The following TJP3 variants were observed in gnomAD, a reference collection of about 807,000 sequenced individuals.
TJP3 encodes tight junction protein 3.
A neutral mutation model predicts 104.2 loss-of-function variants in TJP3; 85 were observed. The ratio of observed to expected loss-of-function variants is 0.82; its 90% CI spans 0.68 to 0.98. The LOEUF is 0.98. Ranked by LOEUF, TJP3 falls within the 50% of genes least tolerant of loss-of-function variation. The probability of loss-of-function intolerance (pLI) is 0.00; values close to 1 mark genes in which losing one functional copy is unlikely to be tolerated. For missense variants in TJP3, 1,367 were observed against 1,322.8 expected (o/e 1.03, Z -0.52); for synonymous variants, 550 against 550.6 (o/e 1.00, Z 0.02).
intron 14 of TJP3, 138 bp downstream of exon 14, chr19:3,740,901 G>GATTAT: frequency 1.3e-6 from 1 of 791,134 alleles, no homozygotes; most frequent in Non-Finnish European, 1.8e-6. Flanking sequence ...AACACTTTGG[G>GATTAT]AGGCCGAGGT....
intron 13 of TJP3, among the ~76,000 whole-genome samples, chr19:3,739,969 C>G (rs1272559629): frequency 6.6e-6 from 1 of 152,164 alleles, no homozygotes; most frequent in Non-Finnish European, 1.5e-5. Flanking sequence ...CACGGTGGCT[C>G]ACGCCTGTAA....
At position 3,749,069 on chromosome 19, in the gene TJP3, ACCACGCTGG is replaced by A. The variant is rs139816437; in HGVS notation, c.2610+992_2610+1000del. Among the ~76,000 whole-genome samples the A allele has an allele frequency of 6.0e-3, 901 of 149,362 alleles. 15 individuals carry two copies. The highest frequency in any genetic ancestry group is 0.021 in the African/African-American group (862 of 40,552). On this transcript the variant is annotated intron_variant, in intron 19 of 20. Coordinates refer to ENST00000541714, the MANE Select transcript of TJP3 (RefSeq NM_001267560.2). ...GTATTCTTAGTAGAGACAGGGTTTC[ACCACGCTGG>A]CCAGGCTGGTCTCCGATTCCTGACC...
intron 1 of TJP3, among the ~76,000 whole-genome samples, chr19:3,709,778 A>C (rs1267362933): frequency 1.3e-5 from 2 of 152,004 alleles, no homozygotes; most frequent in Non-Finnish European, 2.9e-5. Flanking sequence ...GGGTTTTGAG[A>C]GCAAACCCGT....
intron 3 of TJP3, among the ~76,000 whole-genome samples, chr19:3,729,781 CAAAAAAAA>C (rs35091592): frequency 8.3e-6 from 1 of 120,590 alleles, no homozygotes; most frequent in East Asian, 2.4e-4. Flanking sequence ...GACTCTGTCT[CAAAAAAAA>C]AAAAAAAAAT....
Position 3,735,601 on chromosome 19 carries a change from A to G in TJP3, c.1022A>G (p.Asp341Gly). ...CGGCTTCGGCGGGAAAGTTCAGTAG[A>G]TTCCAGAACCATCTCGGAACCAGAT... ...SPRLRRESSV[D>G]SRTISEPDEQ... is the part of the protein sequence containing the mutation. Residue 341 changes from aspartate to glycine, a missense_variant, in exon 9 of 21, where the codon GAT becomes GGT. Coordinates refer to ENST00000541714, the MANE Select transcript of TJP3 (RefSeq NM_001267560.2). The G allele has an allele frequency of 6.2e-7, 1 of 1,614,158 alleles. No homozygotes were observed.
chr19:3,742,539 G>A (rs1023257729), intron 14 of TJP3, among the ~76,000 whole-genome samples: 4 of 149,028 alleles, frequency 2.7e-5, no homozygotes, highest in Admixed American at 2.1e-4. Context: ...AACCACAAAA[G>A]GGGTGGGAAG....
chr19:3,711,611 G>A (rs998825698), intron 1 of TJP3, among the ~76,000 whole-genome samples: 3 of 149,958 alleles, frequency 2.0e-5, no homozygotes, highest in African/African-American at 7.3e-5. Context: ...TACAAAATGA[G>A]GCCGGATGCG....
intron 1 of TJP3, among the ~76,000 whole-genome samples, chr19:3,711,599 A>G (rs1020798700): frequency 2.7e-5 from 4 of 150,116 alleles, no homozygotes; most frequent in Non-Finnish European, 5.9e-5. Flanking sequence ...CTCTCATACA[A>G]ATACAAAATG....
Position 3,738,958 on chromosome 19 carries a change from G to T in TJP3, c.1455G>T (p.Glu485Asp), listed in dbSNP as rs1249425040. The T allele has an allele frequency of 6.2e-7, 1 of 1,613,246 alleles. No individual in the cohort carries two copies. ...CCTTCTACATCCGCACTCACTTTGA[G>T]CTGGAGCCCAGTCCACCGTCTGGCC... The part of the protein sequence containing the change: ...GDSFYIRTHF[E>D]LEPSPPSGLG... Residue 485 changes from glutamate to aspartate, a missense_variant, in exon 13 of 21, where the codon GAG becomes GAT. Transcript: ENST00000541714.
Position 3,735,600 on chromosome 19 carries a change from G to T in TJP3, c.1021G>T (p.Asp341Tyr). 2 of 1,614,210 alleles carry T rather than the reference G, an allele frequency of 1.2e-6. No individual in the cohort carries two copies. Among genetic ancestry groups the T allele is most frequent in the African/African-American group, 2.7e-5 (2 of 75,046 alleles). Residue 341 changes from aspartate (D) to tyrosine (Y), a missense_variant, in exon 9 of 21, where the codon GAT (aspartate) becomes TAT (tyrosine). By Grantham distance (160) the Asp-to-Tyr change is radical. Coordinates refer to ENST00000541714, the MANE Select transcript of TJP3 (RefSeq NM_001267560.2). Reference protein sequence around the residue: ...SPRLRRESSVDSRTISEPDEQ... With the variant: ...SPRLRRESSVYSRTISEPDEQ... ...CCGGCTTCGGCGGGAAAGTTCAGTA[G>T]ATTCCAGAACCATCTCGGAACCAGA...
At position 3,746,327 on chromosome 19, in the gene TJP3, C is replaced by T. The variant is rs145507703; in HGVS notation, c.2011-158C>T. On this transcript the variant is annotated intron_variant, in intron 16 of 20. Coordinates refer to ENST00000541714, the MANE Select transcript of TJP3 (RefSeq NM_001267560.2). The surrounding 1 kb of genome is among the most constrained non-coding windows in gnomAD (Gnocchi z 4.1). ...TGAGGTTTTGATGCCCAAGATGCTG[C>T]GACCTGGGCTGTTACCACCCCCATC... is the stretch of plus-strand genomic sequence containing the variant. 5.5e-4 allele frequency among the ~76,000 whole-genome samples: 83 copies of T among 152,228 alleles called. No individual in the cohort carries two copies. The highest frequency in any genetic ancestry group is 1.9e-3 in the African/African-American group (77 of 41,540).
Position 3,733,013 on chromosome 19 carries a change from T to C in TJP3, c.718-740T>C, listed in dbSNP as rs1204597814. Among the ~76,000 whole-genome samples the C allele has an allele frequency of 1.0e-4, 14 of 133,500 alleles. No homozygotes were observed. The South Asian group carries it at 1.1e-3, about 10-fold the overall frequency. 87.6% of individuals were successfully genotyped at this position (133,500 alleles called of 152,430 possible). ...CTAGATGACTGTTTTCTTTTCTCTTTTCTTTTCTCTTCTCTTTTTTCTTTT... is the reference window on the plus strand; with the variant it reads ...CTAGATGACTGTTTTCTTTTCTCTTCTCTTTTCTCTTCTCTTTTTTCTTTT... On this transcript the variant is annotated intron_variant, in intron 6 of 20. Transcript: ENST00000541714.
chr19:3,732,002 G>C lies in TJP3; in HGVS notation c.681G>C (p.Arg227=). The part of the protein sequence containing the change: ...KHITDSGLAA[R]HRGLQEGDLI... ...TTACAGATTCGGGCCTGGCTGCCCG[G>C]CACCGTGGGCTGCAGGAAGGAGATC... Residue 227 remains arginine (R), a synonymous_variant, in exon 6 of 21, where the codon CGG becomes CGC. Coordinates refer to ENST00000541714, the MANE Select transcript of TJP3 (RefSeq NM_001267560.2). 3.1e-6 allele frequency: 5 copies of C among 1,613,172 alleles called. No homozygotes were observed. Among genetic ancestry groups the C allele is most frequent in the Non-Finnish European group, 3.4e-6 (4 of 1,179,726 alleles).
chr19:3,728,594 CCT>C lies in TJP3; in HGVS notation c.49-4_49-3del. On this transcript the variant is annotated splice_polypyrimidine_tract_variant and splice_region_variant and intron_variant, in intron 2 of 20. Coordinates refer to ENST00000541714, the MANE Select transcript of TJP3 (RefSeq NM_001267560.2). Reference sequence around the variant, plus strand: ...AACAGCAGCTCTTCCTTCCCCTCATCCTCTCTCAGGACCCCCGCCGGGGCTTT... The same window carrying C: ...AACAGCAGCTCTTCCTTCCCCTCATCCTCTCAGGACCCCCGCCGGGGCTTT... The C allele has an allele frequency of 2.5e-6, 4 of 1,610,656 alleles. No homozygotes were observed. Among genetic ancestry groups the C allele is most frequent in the South Asian group, 1.1e-5 (1 of 90,066 alleles).
chr19:3,748,428 T>TG (rs1450048361), intron 19 of TJP3, among the ~76,000 whole-genome samples: 1 of 151,412 alleles, frequency 6.6e-6, no homozygotes, highest in African/African-American at 2.4e-5. Flanking sequence ...CCTGCCACCA[T>TG]GCCCGGCTAA....
chr19:3,741,592 A>C (rs1460144474), intron 14 of TJP3, among the ~76,000 whole-genome samples: 3 of 143,902 alleles, frequency 2.1e-5, no homozygotes, highest in African/African-American at 7.8e-5. Context: ...GCACCACTGC[A>C]CTCCACCCTG....
intron 1 of TJP3, among the ~76,000 whole-genome samples, chr19:3,727,872 G>A (rs1172756336): frequency 6.6e-6 from 1 of 152,182 alleles, no homozygotes; most frequent in East Asian, 1.9e-4. Flanking sequence ...AACTTGGGAG[G>A]CAGAGACTGC....
Position 3,746,895 on chromosome 19 carries a change from T to TGGGTGGGGGG in TJP3, c.2322+23_2322+24insGGGGGGGGGT. ...AGATCAGGTACTGCCGCGGTGTGGG[T>TGGGTGGGGGG]GGGTCGGGCAGGGAGGCCCCACAGA... is the stretch of plus-strand genomic sequence containing the variant. On this transcript the variant is annotated intron_variant, in intron 18 of 20. Transcript: ENST00000541714. This position sits in a 1 kb window ranked among gnomAD's most constrained non-coding sequence, Gnocchi z 4.1. The TGGGTGGGGGG allele has an allele frequency of 9.3e-7, 1 of 1,076,802 alleles. No homozygotes were observed. Among genetic ancestry groups the TGGGTGGGGGG allele is most frequent in the Non-Finnish European group, 1.3e-6 (1 of 752,566 alleles). 66.7% of individuals were successfully genotyped at this position (1,076,802 alleles called of 1,614,324 possible). A position where few individuals can be genotyped will look rare whatever the true frequency, so the allele number is the denominator to read the frequency against.
chr19:3,718,777 C>A (rs972761993), intron 1 of TJP3, among the ~76,000 whole-genome samples: 4 of 152,050 alleles, frequency 2.6e-5, no homozygotes, highest in Non-Finnish European at 4.4e-5. Flanking sequence ...TTTGCCAGAC[C>A]TAAGCAGAGA....
Sources: allele counts gnomAD v4.1 joint callset (sites outside exome capture counted in the v4.1 genomes callset), GRCh38; gene constraint gnomAD v4.1.1; non-coding constraint Gnocchi (gnomAD v3.1); transcripts MANE v1.5; gene names NCBI Gene and HGNC (gene_info 2026-07-23, HGNC 2026-07-21).